Variants in CA10 observed in about 807,000 individuals in gnomAD.
The protein encoded by CA10 is carbonic anhydrase-related protein 10.
Under a neutral mutation model 44.2 loss-of-function variants are expected in CA10, and 14 were observed. The ratio of observed to expected loss-of-function variants is 0.32; its 90% confidence interval spans 0.21 to 0.50. The LOEUF is 0.50. Ranked by LOEUF, CA10 falls within the 20% of genes least tolerant of loss-of-function variation. The pLI is 0.99. For synonymous variants in CA10, 159 were observed against 141.6 expected, an observed-to-expected ratio of 1.12 and a Z score of -0.87; for missense variants, 350 against 409.7, an observed-to-expected ratio of 0.85 and a Z score of 1.26.
intron 2 of CA10, among the ~76,000 whole-genome samples, chr17:52,028,044 C>T (rs573652303): frequency 2.0e-5 from 3 of 152,254 alleles, no homozygotes; most frequent in South Asian, 2.1e-4. Flanking sequence ...TCTCAGTTTC[C>T]TCTCTGTAAA....
chr17:51,874,665 T>G (rs9916728), intron 3 of CA10, among the ~76,000 whole-genome samples: 19,458 of 152,150 alleles, frequency 0.13, 1,610 homozygotes, highest in African/African-American at 0.25. Context: ...AGCTCTTCCT[T>G]GTTTTGTTTC....
chr17:51,717,921 C>CT (rs55723820), intron 4 of CA10, among the ~76,000 whole-genome samples: 73,626 of 73,628 alleles, frequency 1, 36,812 homozygotes, highest in Middle Eastern at 1. Flanking sequence ...ACAGGATTTG[C>CT]GACTTGGATG....
chr17:51,734,403 G>T (rs888885923), intron 4 of CA10, among the ~76,000 whole-genome samples: 2 of 152,172 alleles, frequency 1.3e-5, no homozygotes, highest in Non-Finnish European at 1.5e-5. Context: ...CTTGCCAAAG[G>T]TCACCTAGTC....
chr17:51,800,440 T>A (rs1906882194), intron 3 of CA10, among the ~76,000 whole-genome samples: 1 of 152,108 alleles, frequency 6.6e-6, no homozygotes, highest in Non-Finnish European at 1.5e-5. Flanking sequence ...ACTCTGTGGA[T>A]GTACAAAAAA....
chr17:51,902,340 G>A (rs1981352518), intron 3 of CA10, among the ~76,000 whole-genome samples: 1 of 152,152 alleles, frequency 6.6e-6, no homozygotes, highest in African/African-American at 2.4e-5. Flanking sequence ...TGTCTCTGAT[G>A]AGTGATAATG....
intron 3 of CA10, among the ~76,000 whole-genome samples, chr17:51,926,611 G>T (rs543748444): frequency 6.6e-6 from 1 of 152,100 alleles, no homozygotes; most frequent in Non-Finnish European, 1.5e-5. Context: ...GTTTCTTTGC[G>T]CTTTGCAGCT....
chr17:51,652,779 T>A (rs1286255357), intron 5 of CA10, among the ~76,000 whole-genome samples: 2 of 152,236 alleles, frequency 1.3e-5, no homozygotes, highest in Admixed American at 1.3e-4. Flanking sequence ...TTTGATCTAT[T>A]GATCATCTCC....
At chr17:52,102,924 G>A (rs571970223) in intron 1 of CA10, among the ~76,000 whole-genome samples, 55 of 152,030 alleles carry the variant, frequency 3.6e-4, no homozygotes, top group Non-Finnish European at 7.1e-4. Context: ...CACCCTCTAC[G>A]GAAGTCACTT....
intron 3 of CA10, among the ~76,000 whole-genome samples, chr17:51,848,353 A>T (rs1439768580): frequency 6.6e-6 from 1 of 152,044 alleles, no homozygotes; most frequent in African/African-American, 2.4e-5. Context: ...CACTCCTCTC[A>T]CACTCATGAC....
intron 3 of CA10, among the ~76,000 whole-genome samples, chr17:51,859,888 C>A (rs1380151459): frequency 6.6e-6 from 1 of 152,020 alleles, no homozygotes; most frequent in Non-Finnish European, 1.5e-5. Context: ...TGCCATGATA[C>A]ACATAAGAAT....
intron 2 of CA10, among the ~76,000 whole-genome samples, chr17:51,959,264 C>G (rs1983780898): frequency 2.8e-5 from 1 of 35,558 alleles, no homozygotes; most frequent in South Asian, 1.4e-3. Flanking sequence ...CTATTGTTCT[C>G]TCTCTCGCTC....
At chr17:51,651,954 C>T (rs1038289951) in intron 5 of CA10, among the ~76,000 whole-genome samples, 10 of 152,200 alleles carry the variant, frequency 6.6e-5, no homozygotes, top group African/African-American at 1.9e-4. Flanking sequence ...TTATCAATGC[C>T]ATAATCAGGG....
intron 3 of CA10, among the ~76,000 whole-genome samples, chr17:51,902,223 G>T (rs1981347569): frequency 6.6e-6 from 1 of 152,076 alleles, no homozygotes; most frequent in Non-Finnish European, 1.5e-5. Context: ...GTTAGATTTT[G>T]CTATTCATCA....
chr17:52,121,002 C>A (rs1248135535), intron 1 of CA10, among the ~76,000 whole-genome samples: 1 of 152,172 alleles, frequency 6.6e-6, no homozygotes, highest in Non-Finnish European at 1.5e-5. Context: ...GGTAGGACTG[C>A]TCAAATGATG....
At chr17:51,720,495 T>C (rs1916319602) in intron 4 of CA10, among the ~76,000 whole-genome samples, 1 of 152,176 alleles carries the variant, frequency 6.6e-6, no homozygotes, top group Non-Finnish European at 1.5e-5. Flanking sequence ...ACTGGAGATA[T>C]AAGCTCTATA....
chr17:51,674,884 T>G (rs1191894435), intron 4 of CA10, among the ~76,000 whole-genome samples: 1 of 152,240 alleles, frequency 6.6e-6, no homozygotes, highest in Admixed American at 6.5e-5. Flanking sequence ...GTGCGTGTAT[T>G]GTGATAAGCA....
chr17:51,954,328 C>T (rs548265470), intron 2 of CA10, among the ~76,000 whole-genome samples: 1 of 152,228 alleles, frequency 6.6e-6, no homozygotes, highest in East Asian at 1.9e-4. Flanking sequence ...TTATGCCTCC[C>T]TTGAAATGCA....
intron 1 of CA10, among the ~76,000 whole-genome samples, chr17:52,109,287 C>T (rs1245561357): frequency 6.6e-6 from 1 of 152,170 alleles, no homozygotes; most frequent in Middle Eastern, 3.2e-3. Context: ...CATTCAAGTC[C>T]TTCTAAGGAT....
chr17:52,097,296 C>A (rs989673083), intron 1 of CA10, among the ~76,000 whole-genome samples: 13 of 152,086 alleles, frequency 8.5e-5, no homozygotes, highest in African/African-American at 3.1e-4. Flanking sequence ...TATGCTACTG[C>A]AATTTTAATT....
Sources: allele counts gnomAD v4.1 joint callset (sites outside exome capture counted in the v4.1 genomes callset), GRCh38; gene constraint gnomAD v4.1.1; transcripts MANE v1.5; gene names NCBI Gene and HGNC (gene_info 2026-07-23, HGNC 2026-07-21).